NEK4: variants seen among roughly 807,000 people sequenced by gnomAD.
NEK4 encodes the protein NIMA related kinase 4.
NEK4 carries 86 observed loss-of-function variants against 98.4 expected under a neutral mutation model. The observed-to-expected ratio is 0.87, with a 90% CI of 0.73 to 1.05. NEK4 has a LOEUF of 1.05. NEK4 is among the 50% of genes least tolerant of loss of function. The pLI, the probability that NEK4 is intolerant of heterozygous loss-of-function variation, is 0.00. For synonymous variants in NEK4, 328 were observed against 342.2 expected (o/e 0.96, Z 0.46); for missense variants, 898 against 950.3 (o/e 0.94, Z 0.72).
Position 52,739,549 on chromosome 3 carries a change from C to T in NEK4, c.2179G>A (p.Val727Ile), listed in dbSNP as rs756388208. 9.3e-6 allele frequency: 15 copies of T among 1,614,002 alleles called. No homozygotes were observed. Among genetic ancestry groups the T allele is most frequent in the Middle Eastern group, 3.3e-4 (2 of 6,084 alleles). ...KLDSKESCED[V>I]PVANPVSEFK... The stretch of plus-strand genomic sequence containing the variant: ...TCTGACACTGGGTTTGCTACCGGGA[C>T]ATCTTCACAGCTCTCTTTAGAATCC... The change falls in exon 14 of 16, where the codon GTC (valine) becomes ATC (isoleucine). Residue 727 changes from valine (V) to isoleucine (I), a missense_variant. Physicochemically the swap from Val to Ile is conservative, Grantham distance 29. Transcript: ENST00000233027.
Position 52,746,066 on chromosome 3 carries a change from A to C in NEK4, c.1822T>G (p.Ser608Ala). Residue 608 changes from serine (S) to alanine (A), a missense_variant, in exon 10 of 16, where the codon TCA becomes GCA. Transcript: ENST00000233027. ...CAGCATATGTTCCCACAAACCTTTG[A>C]TGATGACATCTCACTGCTCCTTGAA... ...SSSRSSEMSS[S>A]KDRPLSARER... 6.2e-7 allele frequency: 1 copy of C among 1,613,394 alleles called. No individual in the cohort carries two copies. Among genetic ancestry groups the C allele is most frequent in the Non-Finnish European group, 8.5e-7 (1 of 1,179,806 alleles).
intron 5 of NEK4, among the ~76,000 whole-genome samples, chr3:52,762,851 A>T (rs1295667979): frequency 6.6e-6 from 1 of 152,138 alleles, no homozygotes; most frequent in Non-Finnish European, 1.5e-5. Context: ...ACTGCACTCC[A>T]GCCTGGGTGA....
chr3:52,738,882 C>A (rs1213425130), intron 14 of NEK4, among the ~76,000 whole-genome samples: 1 of 152,148 alleles, frequency 6.6e-6, no homozygotes, highest in Non-Finnish European at 1.5e-5. Flanking sequence ...AACTGTCTAA[C>A]TTGAAGAAAA....
chr3:52,769,315 G>C (rs1177361382), intron 1 of NEK4, among the ~76,000 whole-genome samples: 1 of 152,204 alleles, frequency 6.6e-6, no homozygotes, highest in African/African-American at 2.4e-5. Flanking sequence ...TTTGCAGACA[G>C]AATAGTCTGT....
At chr3:52,730,509 C>A (rs1286250570) in intron 15 of NEK4, among the ~76,000 whole-genome samples, 1 of 152,186 alleles carries the variant, frequency 6.6e-6, no homozygotes, top group East Asian at 1.9e-4. Context: ...ATATGAATAT[C>A]CCTTATGAAC....
chr3:52,729,282 T>C (rs1277496867), intron 15 of NEK4, among the ~76,000 whole-genome samples: 2 of 152,124 alleles, frequency 1.3e-5, no homozygotes, highest in African/African-American at 4.8e-5. Flanking sequence ...TTTGTACTCT[T>C]TCTCTTTATT....
At chr3:52,730,105 T>A (rs188871536) in intron 15 of NEK4, among the ~76,000 whole-genome samples, 232 of 152,152 alleles carry the variant, frequency 1.5e-3, no homozygotes, top group African/African-American at 5.2e-3. Flanking sequence ...AGACTCTATC[T>A]CAAAAATAAA....
rs1451203883 is a variant in NEK4, at chr3:52,751,912, CAT to C, written c.1368+18_1368+19del. On this transcript the variant is annotated intron_variant, in intron 7 of 15. Transcript: ENST00000233027. ...AGTCTTCTCTCCAAAACCAGTATCT[CAT>C]GTGTGCATATCACTCACCTGGTCCT... 1 of 1,601,352 alleles carries C rather than the reference CAT, an allele frequency of 6.2e-7. No homozygotes were observed. Among genetic ancestry groups the C allele is most frequent in the Non-Finnish European group, 8.5e-7 (1 of 1,173,234 alleles).
chr3:52,726,282 C>T (rs1418476842), intron 15 of NEK4, among the ~76,000 whole-genome samples: 2 of 152,072 alleles, frequency 1.3e-5, no homozygotes, highest in African/African-American at 4.8e-5. Context: ...ATAGAACAAC[C>T]TGGCAGAAGA....
chr3:52,769,694 T>G (rs1357430856), intron 1 of NEK4, among the ~76,000 whole-genome samples: 1 of 152,208 alleles, frequency 6.6e-6, no homozygotes, highest in African/African-American at 2.4e-5. Flanking sequence ...GGGGAACATC[T>G]CTTCTCAGCT....
Position 52,770,924 on chromosome 3 carries a change from G to A in NEK4, c.-178C>T, listed in dbSNP as rs1279035100. ...GACGACGCCGCTGCCATAGCGATCCGGGCCGGGAGCAGTTCTGCGCATGCT... is the reference window on the plus strand; with the variant it reads ...GACGACGCCGCTGCCATAGCGATCCAGGCCGGGAGCAGTTCTGCGCATGCT... On this transcript the variant is annotated 5_prime_UTR_variant, in exon 1 of 16. Transcript: ENST00000233027. 1 of 610,948 alleles carries A rather than the reference G, an allele frequency of 1.6e-6. No individual in the cohort carries two copies. The highest frequency in any genetic ancestry group is 2.9e-6 in the Non-Finnish European group (1 of 347,618). 37.8% of individuals were successfully genotyped at this position (610,948 alleles called of 1,614,324 possible).
rs1222050561 is a variant in NEK4 at position 52,770,836 on chromosome 3, G to T, written c.-90C>A. The T allele has an allele frequency of 1.8e-6, 2 of 1,133,712 alleles. No homozygotes were observed. Among genetic ancestry groups the T allele is most frequent in the South Asian group, 1.3e-5 (1 of 75,534 alleles). 70.2% of individuals were successfully genotyped at this position (1,133,712 alleles called of 1,614,324 possible). On this transcript the variant is annotated 5_prime_UTR_variant, in exon 1 of 16. Coordinates refer to ENST00000233027, the MANE Select transcript of NEK4 (RefSeq NM_003157.6). ...AAGAAGCTCGGTTCATGCCCGAGAGGGGGCAGTGGGGGCGGCTGTTGAGGC... is the reference window on the plus strand; with the variant it reads ...AAGAAGCTCGGTTCATGCCCGAGAGTGGGCAGTGGGGGCGGCTGTTGAGGC...
At chr3:52,739,712 C>A in intron 13 of NEK4, 78 bp from the exon 14 acceptor site, 1 of 1,251,402 alleles carries the variant, frequency 8.0e-7, no homozygotes, top group Admixed American at 1.8e-5. Flanking sequence ...TGCAAAACGA[C>A]CTTTCGGGAA....
chr3:52,746,597 T>C, intron 9 of NEK4, 137 bp downstream of exon 9: 1 of 738,540 alleles, frequency 1.4e-6, no homozygotes, highest in Non-Finnish European at 2.2e-6. Flanking sequence ...AAACTACTAT[T>C]TAGCATCTTG....
chr3:52,763,866 G>A (rs1394056946), intron 4 of NEK4, among the ~76,000 whole-genome samples: 1 of 152,218 alleles, frequency 6.6e-6, no homozygotes, highest in Non-Finnish European at 1.5e-5. Flanking sequence ...AGAAATAAGA[G>A]TATGAGTTTC....
intron 6 of NEK4, among the ~76,000 whole-genome samples, chr3:52,754,947 G>A (rs1261193838): frequency 2.0e-5 from 3 of 151,760 alleles, no homozygotes; most frequent in African/African-American, 4.8e-5. Flanking sequence ...GGTGGCAGGC[G>A]CCTGTAGTCC....
At chr3:52,717,880 C>A (rs867391969) in intron 15 of NEK4, among the ~76,000 whole-genome samples, 27 of 152,068 alleles carry the variant, frequency 1.8e-4, no homozygotes, top group African/African-American at 5.3e-4. Context: ...ACCTCTGCCC[C>A]CTCCCTGGGT....
intron 15 of NEK4, among the ~76,000 whole-genome samples, chr3:52,720,875 C>T (rs547825582): frequency 3.6e-4 from 55 of 152,260 alleles, no homozygotes; most frequent in African/African-American, 1.3e-3. Context: ...CACATTTTGC[C>T]TCTCCTTAAC....
At chr3:52,735,644 TAAGAGAAA>T (rs752901758) in intron 15 of NEK4, among the ~76,000 whole-genome samples, 2 of 152,074 alleles carry the variant, frequency 1.3e-5, no homozygotes, top group Non-Finnish European at 2.9e-5. Context: ...CTCCCAAAAA[TAAGAGAAA>T]AAGAGAAAAC....
Sources: gnomAD v4.1 joint callset for allele counts (sites outside exome capture counted in the v4.1 genomes callset) on GRCh38, gnomAD v4.1.1 for gene constraint, MANE v1.5 for transcripts, NCBI Gene and HGNC (gene_info 2026-07-23, HGNC 2026-07-21) for gene names.